The following CELF2 variants were observed in gnomAD, a reference collection of about 807,000 sequenced individuals.
The protein encoded by CELF2 is CUG triplet repeat RNA-binding protein 2.
CELF2 carries 8 observed loss-of-function variants against 62.6 expected under a neutral mutation model. The ratio of observed to expected loss-of-function variants is 0.13; its 90% CI spans 0.07 to 0.23. The LOEUF (loss-of-function observed/expected upper bound fraction) is 0.23. CELF2 is among the 10% of genes least tolerant of loss of function. The pLI is 1.00. For synonymous variants in CELF2, 258 were observed against 250.0 expected (o/e 1.03, Z -0.30); for missense variants, 333 against 671.0 (o/e 0.50, Z 5.56).
In CELF2 at chr10:11,260,179, T is replaced by C. The variant is rs2080060870; in HGVS notation, c.538+2307T>C. Among the ~76,000 whole-genome samples the C allele has an allele frequency of 6.6e-6, 1 of 152,214 alleles. No individual in the cohort carries two copies. Among genetic ancestry groups the C allele is most frequent in the Non-Finnish European group, 1.5e-5 (1 of 68,034 alleles). ...CAGCCGTAACTATATCTGCCCTGCT[T>C]CTCTTGCAGGGAGTCATTCACGGCT... On this transcript the variant is annotated intron_variant, in intron 5 of 12. Coordinates refer to ENST00000633077, the MANE Select transcript of CELF2 (RefSeq NM_001326342.2). The surrounding 1 kb of genome is among the most constrained non-coding windows in gnomAD (Gnocchi z 4.2).
the CELF2 span, among the ~76,000 whole-genome samples, chr10:10,635,574 C>T: frequency 1.3e-5 from 2 of 152,122 alleles, no homozygotes; most frequent in African/African-American, 2.4e-5. Flanking sequence ...TATATAAAAT[C>T]TTTGTGTTTA....
intron 2 of CELF2, chr10:10,946,241 GA>G (rs1193499707): frequency 6.6e-6 from 1 of 152,382 alleles, no homozygotes; most frequent in Non-Finnish European, 1.5e-5. Context: ...ATGAGCTCCA[GA>G]AAGATGAAAT....
At chr10:10,853,370 A>G (rs998852988) in intron 1 of CELF2, among the ~76,000 whole-genome samples, 8 of 152,264 alleles carry the variant, frequency 5.3e-5, no homozygotes, top group Non-Finnish European at 1.2e-4. Flanking sequence ...AGAAAAAGAA[A>G]GATGGTGGGC....
chr10:11,034,432 C>T (rs2060632747), intron 1 of CELF2, among the ~76,000 whole-genome samples: 2 of 151,934 alleles, frequency 1.3e-5, no homozygotes, highest in Non-Finnish European at 1.5e-5. Flanking sequence ...TTACTAAGAA[C>T]ACTGGAAGAA....
chr10:11,245,217 C>T (rs1005922280), intron 3 of CELF2, among the ~76,000 whole-genome samples: 11 of 152,190 alleles, frequency 7.2e-5, no homozygotes, highest in Non-Finnish European at 2.9e-5. Context: ...AATAACTTCT[C>T]AAGAAATCTC....
chr10:10,812,143 A>G, intron 1 of CELF2, among the ~76,000 whole-genome samples: 1 of 152,178 alleles, frequency 6.6e-6, no homozygotes, highest in Non-Finnish European at 1.5e-5. Flanking sequence ...ATAAAGAAAA[A>G]TAGGTTTAAT....
intron 2 of CELF2, among the ~76,000 whole-genome samples, chr10:10,930,110 A>G (rs974231659): frequency 1.3e-5 from 2 of 152,364 alleles, no homozygotes; most frequent in African/African-American, 4.8e-5. Context: ...GTTTTATAAT[A>G]TAGTGTTCTG....
the CELF2 span, among the ~76,000 whole-genome samples, chr10:10,619,648 C>T: frequency 2.0e-5 from 3 of 152,342 alleles, no homozygotes; most frequent in South Asian, 6.2e-4. Context: ...TTTATGACCA[C>T]TGAGTTACAG....
In CELF2 at chr10:11,331,703, A is replaced by ATGTTTTT. The variant is rs2096025261; in HGVS notation, c.*2654_*2660dup. The ATGTTTTT allele has an allele frequency of 6.6e-6, 1 of 152,364 alleles. No individual in the cohort carries two copies. 9.4% of individuals were successfully genotyped at this position (152,364 alleles called of 1,614,324 possible). On this transcript the variant is annotated 3_prime_UTR_variant, in exon 13 of 13. Coordinates refer to ENST00000633077, the MANE Select transcript of CELF2 (RefSeq NM_001326342.2). The stretch of plus-strand genomic sequence containing the variant: ...TGTTATTGTTTGTTATTTCTCTCTG[A>ATGTTTTT]TGTTTTTTGTAAGACATTGTATAAG...
chr10:11,009,909 G>A (rs2056127804), intron 1 of CELF2, among the ~76,000 whole-genome samples: 1 of 152,234 alleles, frequency 6.6e-6, no homozygotes, highest in Admixed American at 6.5e-5. Context: ...GCCTGCAGCT[G>A]CAATCAGTAG....
chr10:10,622,900 T>C, the CELF2 span, among the ~76,000 whole-genome samples: 1 of 151,332 alleles, frequency 6.6e-6, no homozygotes, highest in Non-Finnish European at 1.5e-5. Flanking sequence ...AAGACCACTG[T>C]GAAACCCCAT....
chr10:10,952,521 G>C (rs1315817878), intron 2 of CELF2, among the ~76,000 whole-genome samples: 2 of 152,244 alleles, frequency 1.3e-5, no homozygotes, highest in Non-Finnish European at 2.9e-5. Flanking sequence ...AGTTAGAGCA[G>C]AATAGATTCC....
At chr10:10,627,370 T>C in the CELF2 span, among the ~76,000 whole-genome samples, 3 of 152,218 alleles carry the variant, frequency 2.0e-5, no homozygotes, top group South Asian at 2.1e-4. Flanking sequence ...ATATTAAACA[T>C]GCAAATGGTC....
At chr10:11,170,883 A>G (rs1389562177) in intron 2 of CELF2, among the ~76,000 whole-genome samples, 1 of 152,194 alleles carries the variant, frequency 6.6e-6, no homozygotes, top group African/African-American at 2.4e-5. Context: ...TATAATGAAC[A>G]CTTTACATTT....
At chr10:11,045,762 G>C (rs1048556580) in intron 1 of CELF2, among the ~76,000 whole-genome samples, 1 of 152,120 alleles carries the variant, frequency 6.6e-6, no homozygotes, top group Non-Finnish European at 1.5e-5. Flanking sequence ...AAAAGGGAAC[G>C]GGGCCTACTG....
the CELF2 span, among the ~76,000 whole-genome samples, chr10:10,762,272 G>A: frequency 7.9e-5 from 12 of 152,224 alleles, no homozygotes; most frequent in Admixed American, 2.0e-4. Context: ...AGGAAGAATG[G>A]ATGTCCACTC....
the CELF2 span, among the ~76,000 whole-genome samples, chr10:10,651,277 G>A: frequency 0.019 from 2,753 of 145,532 alleles, 100 homozygotes; most frequent in African/African-American, 0.065. Flanking sequence ...ACTGCAAGGC[G>A]GCAGTGAGGC....
intron 2 of CELF2, among the ~76,000 whole-genome samples, chr10:11,197,658 C>A (rs2058306672): frequency 6.6e-6 from 1 of 152,248 alleles, no homozygotes; most frequent in Non-Finnish European, 1.5e-5. Context: ...TGAACAGAAT[C>A]TCAGTTCTGT....
In CELF2 at chr10:11,242,967, A is replaced by ACTGCGTGCTTGGTT. The variant is rs1341170118; in HGVS notation, c.355-6177_355-6176insTGGTTCTGCGTGCT. Reference sequence around the variant, plus strand: ...ACTGGTGCTGGGTCAGAACCAAACCACTGCGTGCTGTCGTGGGTGCAGAAG... The same window carrying ACTGCGTGCTTGGTT: ...ACTGGTGCTGGGTCAGAACCAAACCACTGCGTGCTTGGTTCTGCGTGCTGTCGTGGGTGCAGAAG... On this transcript the variant is annotated intron_variant, in intron 3 of 12. Transcript: ENST00000633077. The surrounding 1 kb of genome is among the most constrained non-coding windows in gnomAD (Gnocchi z 4.8). 3.9e-5 allele frequency among the ~76,000 whole-genome samples: 6 copies of ACTGCGTGCTTGGTT among 152,286 alleles called. No homozygotes were observed. Among genetic ancestry groups the ACTGCGTGCTTGGTT allele is most frequent in the Admixed American group, 3.9e-4 (6 of 15,300 alleles).
Sources: gnomAD v4.1 joint callset for allele counts (sites outside exome capture counted in the v4.1 genomes callset) on GRCh38, gnomAD v4.1.1 for gene constraint, Gnocchi (gnomAD v3.1) non-coding constraint, MANE v1.5 for transcripts, NCBI Gene and HGNC (gene_info 2026-07-23, HGNC 2026-07-21) for gene names.